ERAP2: variants seen among roughly 807,000 people sequenced by gnomAD.
The protein encoded by ERAP2 is leukocyte-derived arginine aminopeptidase.
A neutral mutation model predicts 111.1 loss-of-function variants in ERAP2; 118 were observed. The ratio of observed to expected loss-of-function variants is 1.06; its 90% confidence interval spans 0.92 to 1.24. The LOEUF (loss-of-function observed/expected upper bound fraction) is 1.24, where lower values mean the gene tolerates loss of function less well. Ranked by LOEUF, ERAP2 falls within the 50% of genes most tolerant of loss-of-function variation. The pLI, the probability that ERAP2 is intolerant of heterozygous loss-of-function variation, is 0.00. For missense variants in ERAP2, 1,131 were observed against 1,125.8 expected (o/e 1.00, Z -0.07); for synonymous variants, 410 against 401.2 (o/e 1.02, Z -0.26).
At chr5:96,879,252 A>T (rs1300538690) in intron 1 of ERAP2, among the ~76,000 whole-genome samples, 1 of 152,228 alleles carries the variant, frequency 6.6e-6, no homozygotes, top group Non-Finnish European at 1.5e-5. Flanking sequence ...AAAAATTTAA[A>T]ATATAACCAA....
chr5:96,893,025 G>C (rs991019617), intron 6 of ERAP2, among the ~76,000 whole-genome samples: 3 of 152,178 alleles, frequency 2.0e-5, no homozygotes, highest in African/African-American at 4.8e-5. Context: ...GATAGGGAAA[G>C]TGTGCGGATC....
At chr5:96,890,553 G>C (rs1200258426) in intron 5 of ERAP2, among the ~76,000 whole-genome samples, 1 of 152,198 alleles carries the variant, frequency 6.6e-6, no homozygotes, top group African/African-American at 2.4e-5. Context: ...AGCATATAAA[G>C]ATTAGTGCTT....
chr5:96,896,944 A>G (rs563187511), intron 9 of ERAP2, 81 bp downstream of exon 9: 1,403 of 1,390,918 alleles, frequency 1.0e-3, no homozygotes, highest in Non-Finnish European at 1.3e-3. Flanking sequence ...ATAAATAGCT[A>G]TATATTGTCA....
At chr5:96,888,330 A>G in intron 4 of ERAP2, among the ~76,000 whole-genome samples, 1 of 152,204 alleles carries the variant, frequency 6.6e-6, no homozygotes. Context: ...ATGGCACTTC[A>G]GAGGACAGGT....
At chr5:96,895,168 G>T in intron 6 of ERAP2, 78 bp from the exon 7 acceptor site, 2 of 788,896 alleles carry the variant, frequency 2.5e-6, no homozygotes, top group Non-Finnish European at 4.0e-6. Flanking sequence ...AAAAAAGTTA[G>T]TAACTATTGT....
chr5:96,882,118 A>G (rs941655886), intron 2 of ERAP2, among the ~76,000 whole-genome samples: 2 of 152,142 alleles, frequency 1.3e-5, no homozygotes, highest in African/African-American at 2.4e-5. Context: ...CCTTGGTGAC[A>G]CTTCCCCTCA....
At position 96,889,309 on chromosome 5, in the gene ERAP2, T is replaced by A. The variant is rs775467062; in HGVS notation, c.970+4T>A. ...TACTATCCACTCTCCAAACTGGGTA[T>A]GTTCAAATTCCACATTATTGTCTTC... On this transcript the variant is annotated splice_donor_region_variant and intron_variant, in intron 5 of 18. Transcript: ENST00000437043. 5.6e-6 allele frequency: 9 copies of A among 1,614,066 alleles called. No homozygotes were observed. Among genetic ancestry groups the A allele is most frequent in the Non-Finnish European group, 7.6e-6 (9 of 1,179,926 alleles).
intron 5 of ERAP2, among the ~76,000 whole-genome samples, chr5:96,891,526 CGGTATATAT>C (rs1784384029): frequency 2.7e-5 from 1 of 36,952 alleles, no homozygotes; most frequent in African/African-American, 1.2e-4. Context: ...TGCCCATATA[CGGTATATAT>C]ACACACACAC....
upstream of ERAP2, chr5:96,876,027 A>G (rs554232257): frequency 4.6e-5 from 7 of 152,568 alleles, no homozygotes; most frequent in Non-Finnish European, 8.8e-5. Flanking sequence ...GTGGTTACAG[A>G]CATGGAAAAT....
intron 2 of ERAP2, among the ~76,000 whole-genome samples, chr5:96,881,988 G>A (rs1401555880): frequency 1.3e-5 from 2 of 151,862 alleles, no homozygotes; most frequent in East Asian, 3.9e-4. Flanking sequence ...TGGGTATCAG[G>A]AAGTGACTAG....
chr5:96,878,699 A>G (rs964779053), intron 1 of ERAP2, among the ~76,000 whole-genome samples: 2 of 152,120 alleles, frequency 1.3e-5, no homozygotes, highest in African/African-American at 4.8e-5. Context: ...AGGCTGAGGC[A>G]AGTGGATCAC....
rs1787710792 is a variant in ERAP2 at position 96,918,843 on chromosome 5, T to A, written c.*1238T>A. ...AATATTTAGATGCAGCACCATATTT[T>A]ATAACCCAGCTTTAGCATTTCTTCA... On this transcript the variant is annotated 3_prime_UTR_variant, in exon 19 of 19. Coordinates refer to ENST00000437043, the MANE Select transcript of ERAP2 (RefSeq NM_022350.5). 1 of 152,246 alleles carries A rather than the reference T, an allele frequency of 6.6e-6. No individual in the cohort carries two copies. Among genetic ancestry groups the A allele is most frequent in the Non-Finnish European group, 1.5e-5 (1 of 68,044 alleles). The allele number at this position is 152,246 out of a possible 1,614,324, so 9.4% of individuals were successfully genotyped here.
rs1377017800 is a variant in ERAP2, at chr5:96,879,624, A to T, written c.-62A>T. On this transcript the variant is annotated 5_prime_UTR_variant, in exon 2 of 19. Coordinates refer to ENST00000437043, the MANE Select transcript of ERAP2 (RefSeq NM_022350.5). ...CATGTGACATAACTGGAGCCAGTGC[A>T]GTGCCATGAAGAACTACGAGATTAG... 10 of 1,356,694 alleles carry T rather than the reference A, an allele frequency of 7.4e-6. No individual in the cohort carries two copies. In the East Asian group the frequency reaches 2.3e-4, roughly 31 times the overall value. 84.0% of individuals were successfully genotyped at this position (1,356,694 alleles called of 1,614,324 possible).
At position 96,901,548 on chromosome 5, in the gene ERAP2, A is replaced by C; in HGVS notation, c.1615A>C (p.Thr539Pro). ...GENAEVKEMM[T>P]TWTLQKGIPL... is the part of the protein sequence containing the mutation. ...AAATGCAGAGGTCAAAGAGATGATG[A>C]CTACATGGACTCTCCAGAAAGGAAT... The change falls in exon 11 of 19, where the codon ACT (threonine) becomes CCT (proline). Residue 539 changes from threonine (T) to proline (P), a missense_variant. Thr to Pro is a conservative substitution (Grantham distance 38, BLOSUM62 -1). Coordinates refer to ENST00000437043, the MANE Select transcript of ERAP2 (RefSeq NM_022350.5). The C allele has an allele frequency of 1.9e-6, 3 of 1,613,956 alleles. No homozygotes were observed. The highest frequency in any genetic ancestry group is 2.5e-6 in the Non-Finnish European group (3 of 1,179,888).
intron 9 of ERAP2, among the ~76,000 whole-genome samples, chr5:96,899,306 C>T (rs1348235497): frequency 6.6e-6 from 1 of 152,076 alleles, no homozygotes; most frequent in African/African-American, 2.4e-5. Flanking sequence ...TCAATCTTCC[C>T]CTAAAGGTCC....
At position 96,909,081 on chromosome 5, in the gene ERAP2, C is replaced by T. The variant is rs1447287300; in HGVS notation, c.2133C>T (p.Asp711=). The T allele has an allele frequency of 6.2e-7, 1 of 1,614,092 alleles. No homozygotes were observed. Among genetic ancestry groups the T allele is most frequent in the Admixed American group, 1.7e-5 (1 of 60,024 alleles). The change falls in exon 14 of 19, where the codon GAC becomes GAT. Residue 711 remains aspartate (D), a synonymous_variant. Coordinates refer to ENST00000437043, the MANE Select transcript of ERAP2 (RefSeq NM_022350.5). ...SYLESFYHMM[D]RRNISDISEN... ...TGGAATCGTTTTACCACATGATGGA[C>T]AGAAGGAATATTTCAGATATCTCTG...
intron 6 of ERAP2, among the ~76,000 whole-genome samples, chr5:96,893,979 A>G (rs534055094): frequency 1.3e-5 from 2 of 152,316 alleles, no homozygotes; most frequent in African/African-American, 4.8e-5. Context: ...GGCTCAGGAA[A>G]TGAACACTGT....
intron 7 of ERAP2, among the ~76,000 whole-genome samples, chr5:96,895,857 G>A (rs911217009): frequency 6.6e-6 from 1 of 152,124 alleles, no homozygotes; most frequent in African/African-American, 2.4e-5. Flanking sequence ...GCATATCAAG[G>A]TGGTTAGTAA....
intron 2 of ERAP2, among the ~76,000 whole-genome samples, chr5:96,883,576 G>A (rs1047312673): frequency 4.6e-5 from 7 of 152,138 alleles, no homozygotes; most frequent in Non-Finnish European, 7.4e-5. Context: ...AATGTAATTA[G>A]CATTCCCAAA....
Sources: allele counts gnomAD v4.1 joint callset (sites outside exome capture counted in the v4.1 genomes callset), GRCh38; gene constraint gnomAD v4.1.1; transcripts MANE v1.5; gene names NCBI Gene and HGNC (gene_info 2026-07-23, HGNC 2026-07-21).